The following RBM33 variants were observed in gnomAD, a reference collection of about 807,000 sequenced individuals.
RBM33 encodes the protein RNA binding motif protein 33, also known as RNA-binding protein 33.
A neutral mutation model predicts 132.6 loss-of-function variants in RBM33; 28 were observed. That is an observed-to-expected ratio of 0.21 (90% CI 0.16 to 0.29). The LOEUF is 0.29. Ranked by LOEUF, RBM33 falls within the 10% of genes least tolerant of loss-of-function variation. The pLI, the probability that RBM33 is intolerant of heterozygous loss-of-function variation, is 1.00. For missense variants in RBM33, 1,291 were observed against 1,518.5 expected (o/e 0.85, Z 2.49); for synonymous variants, 634 against 593.0 (o/e 1.07, Z -1.01).
intron 3 of RBM33, among the ~76,000 whole-genome samples, chr7:155,677,774 A>G (rs1184322430): frequency 6.6e-6 from 1 of 152,224 alleles, no homozygotes; most frequent in East Asian, 1.9e-4. Context: ...ACCTTTAAGA[A>G]GAAAAGCAAG....
chr7:155,761,466 T>G (rs193070537), intron 14 of RBM33, among the ~76,000 whole-genome samples: 94 of 152,368 alleles, frequency 6.2e-4, no homozygotes, highest in African/African-American at 2.2e-3. Flanking sequence ...TGGTTTTTAA[T>G]TCATTGTCTT....
At chr7:155,680,944 C>A in intron 5 of RBM33, 36 bp downstream of exon 5, 1 of 1,561,026 alleles carries the variant, frequency 6.4e-7, no homozygotes, top group Non-Finnish European at 8.8e-7. Flanking sequence ...CAAAGATAAC[C>A]TGGCTTCCCA....
intron 1 of RBM33, among the ~76,000 whole-genome samples, chr7:155,654,246 T>A (rs576850335): frequency 2.0e-5 from 3 of 152,228 alleles, no homozygotes; most frequent in Non-Finnish European, 4.4e-5. Flanking sequence ...TGCCTTGGAA[T>A]TTCTAAATTG....
chr7:155,711,855 T>C (rs1252657704), intron 8 of RBM33, among the ~76,000 whole-genome samples: 3 of 152,220 alleles, frequency 2.0e-5, no homozygotes, highest in Non-Finnish European at 4.4e-5. Context: ...GCATCTGTTA[T>C]GTTATAGATT....
chr7:155,654,610 C>G (rs1032164689), intron 1 of RBM33, among the ~76,000 whole-genome samples: 13 of 152,162 alleles, frequency 8.5e-5, no homozygotes, highest in African/African-American at 3.1e-4. Context: ...CCCTGGAATG[C>G]CCATCTACTT....
intron 1 of RBM33, among the ~76,000 whole-genome samples, chr7:155,648,870 C>G (rs576712684): frequency 6.6e-6 from 1 of 152,286 alleles, no homozygotes; most frequent in South Asian, 2.1e-4. Context: ...GAGAAATTGA[C>G]TGTTAATCTT....
intron 7 of RBM33, 173 bp from the exon 8 acceptor site, chr7:155,711,029 AT>A (rs1319932230): frequency 3.4e-6 from 3 of 885,104 alleles, no homozygotes; most frequent in Non-Finnish European, 3.2e-6. Context: ...AAGCTTCTTT[AT>A]CCTGCTGTTT....
chr7:155,688,353 T>C (rs1318295824), intron 5 of RBM33, among the ~76,000 whole-genome samples: 1 of 152,242 alleles, frequency 6.6e-6, no homozygotes, highest in African/African-American at 2.4e-5. Flanking sequence ...CTGAAGTTGC[T>C]TATCAGCTTA....
At chr7:155,766,423 G>T in intron 15 of RBM33, 44 bp from the exon 16 acceptor site, 3 of 1,597,418 alleles carry the variant, frequency 1.9e-6, no homozygotes, top group Non-Finnish European at 2.6e-6. Context: ...TATCGAAGAA[G>T]CTCAGGCTTG....
intron 1 of RBM33, among the ~76,000 whole-genome samples, chr7:155,661,122 G>A (rs1407413735): frequency 2.9e-4 from 19 of 65,024 alleles, no homozygotes; most frequent in African/African-American, 7.9e-4. Flanking sequence ...GTGTGTGTGT[G>A]TGTGTGTGTA....
rs990037906 is a variant in RBM33, at chr7:155,739,912, G to A, written c.1935G>A (p.Pro645=). The change falls in exon 12 of 18, where the codon CCG becomes CCA. Residue 645 remains proline (P), a synonymous_variant. Transcript: ENST00000401878. ...ACCACCACCACCACCTGTCCGTCCC[G>A]CCCCCTCCTTTGATGCCGATGTCTC... The part of the protein sequence containing the change: ...HHHHHHHLSV[P]PPPLMPMSQP... The A allele has an allele frequency of 7.9e-6, 12 of 1,528,126 alleles. No individual in the cohort carries two copies. In the African/African-American group the frequency reaches 8.6e-5, roughly 11 times the overall value. 94.7% of individuals were successfully genotyped at this position (1,528,126 alleles called of 1,614,324 possible).
At chr7:155,707,394 C>T (rs2116969984) in intron 7 of RBM33, 1 of 484,254 alleles carries the variant, frequency 2.1e-6, no homozygotes, top group Middle Eastern at 3.2e-4. Context: ...TTTCTGAGTG[C>T]ATTACATTTG....
At chr7:155,766,395 C>T (rs1802217861) in intron 15 of RBM33, 72 bp from the exon 16 acceptor site, 2 of 1,497,128 alleles carry the variant, frequency 1.3e-6, no homozygotes, top group Admixed American at 2.0e-5. Context: ...TATTTGTTCA[C>T]TTTTATATCT....
At chr7:155,673,940 G>GTTGTTTTTTGTTTTTGTTTTTTTTTT in intron 3 of RBM33, among the ~76,000 whole-genome samples, 5 of 54,214 alleles carry the variant, frequency 9.2e-5, no homozygotes, top group East Asian at 6.7e-4. Flanking sequence ...TTTAGGCTTA[G>GTTGTTTTTTGTTTTTGTTTTTTTTTT]TTTTTTTTTT....
intron 14 of RBM33, among the ~76,000 whole-genome samples, chr7:155,752,266 T>A (rs910928720): frequency 1.3e-5 from 2 of 151,736 alleles, no homozygotes; most frequent in Non-Finnish European, 2.9e-5. Flanking sequence ...TGCCCACTGC[T>A]TTTGTCTGTC....
chr7:155,764,784 G>A (rs1466470193), intron 15 of RBM33, among the ~76,000 whole-genome samples: 1 of 152,238 alleles, frequency 6.6e-6, no homozygotes, highest in Non-Finnish European at 1.5e-5. Flanking sequence ...CTGGAGAACG[G>A]CAAGTCTGCC....
At chr7:155,686,553 A>G (rs551722383) in intron 5 of RBM33, among the ~76,000 whole-genome samples, 40 of 151,948 alleles carry the variant, frequency 2.6e-4, no homozygotes, top group Admixed American at 6.6e-4. Flanking sequence ...ATATGTATAC[A>G]TGCACCATGT....
At chr7:155,657,952 C>T (rs1349182256) in intron 1 of RBM33, among the ~76,000 whole-genome samples, 1 of 152,108 alleles carries the variant, frequency 6.6e-6, no homozygotes, top group Non-Finnish European at 1.5e-5. Context: ...ACTTGTTGGT[C>T]CAAGTACCCT....
chr7:155,716,316 G>GTGTTTTTT (rs550734927), intron 8 of RBM33, among the ~76,000 whole-genome samples: 14 of 102,376 alleles, frequency 1.4e-4, no homozygotes, highest in African/African-American at 5.5e-4. Context: ...CTTTTCTGCT[G>GTGTTTTTT]TTTTTTTTTT....
Sources: allele counts gnomAD v4.1 joint callset (sites outside exome capture counted in the v4.1 genomes callset), GRCh38; gene constraint gnomAD v4.1.1; transcripts MANE v1.5; gene names NCBI Gene and HGNC (gene_info 2026-07-23, HGNC 2026-07-21).